Variants in PRDM9 observed in about 807,000 individuals in gnomAD.
PRDM9 encodes the protein PR/SET domain 9, also known as histone-lysine N-methyltransferase PRDM9.
A neutral mutation model predicts 55.6 loss-of-function variants in PRDM9; 47 were observed. That is an observed-to-expected ratio of 0.85 (90% CI 0.67 to 1.08). The LOEUF is 1.08. Ranked by LOEUF, PRDM9 falls within the 50% of genes least tolerant of loss-of-function variation. The pLI is 0.00. For missense variants in PRDM9, 867 were observed against 1,040.3 expected (o/e 0.83, Z 2.29); for synonymous variants, 312 against 375.7 (o/e 0.83, Z 1.96).
At chr5:23,517,859 C>G in intron 4 of PRDM9, 22 bp from the exon 5 acceptor site, 1 of 1,564,228 alleles carries the variant, frequency 6.4e-7, no homozygotes, top group South Asian at 1.1e-5. Flanking sequence ...AACCAAACCA[C>G]TGATTTCTCA....
chr5:23,520,661 C>T (rs977583474), intron 5 of PRDM9, among the ~76,000 whole-genome samples: 2 of 149,228 alleles, frequency 1.3e-5, no homozygotes, highest in Non-Finnish European at 2.9e-5. Context: ...CTCTACATTT[C>T]CCCTTCTATC....
At position 23,523,367 on chromosome 5, in the gene PRDM9, A is replaced by G. The variant is rs1184146176; in HGVS notation, c.950+9A>G. 1 of 1,608,804 alleles carries G rather than the reference A, an allele frequency of 6.2e-7. No homozygotes were observed. The highest frequency in any genetic ancestry group is 1.7e-5 in the Admixed American group (1 of 60,018). On this transcript the variant is annotated intron_variant, in intron 9 of 10. Coordinates refer to ENST00000296682, the MANE Select transcript of PRDM9 (RefSeq NM_020227.4). ...TGGGCCAACTGGATGAGGTAAGGCC[A>G]GTAGCTCTCTGAGTTGCAGAGAGAA...
intron 6 of PRDM9, 31 bp downstream of exon 6, chr5:23,521,210 C>A: frequency 6.2e-7 from 1 of 1,609,702 alleles, no homozygotes; most frequent in Non-Finnish European, 8.5e-7. Context: ...GGACTTTAGT[C>A]CCTCTATGTC....
chr5:23,519,994 A>T (rs1165928188), intron 5 of PRDM9, among the ~76,000 whole-genome samples: 1 of 151,684 alleles, frequency 6.6e-6, no homozygotes, highest in Non-Finnish European at 1.5e-5. Flanking sequence ...CAGTGAGCTG[A>T]GATCGTGCCA....
chr5:23,512,005 C>A, intron 4 of PRDM9, among the ~76,000 whole-genome samples: 1 of 150,210 alleles, frequency 6.7e-6, no homozygotes. Context: ...GTTTGCTAAA[C>A]ATTGTTAATA....
chr5:23,523,572 T>A (rs1320197167), intron 9 of PRDM9, among the ~76,000 whole-genome samples: 1 of 152,196 alleles, frequency 6.6e-6, no homozygotes, highest in Non-Finnish European at 1.5e-5. Context: ...ATATGTATGC[T>A]AGACAAAATT....
chr5:23,514,567 G>A (rs1561017913), intron 4 of PRDM9, among the ~76,000 whole-genome samples: 1 of 151,834 alleles, frequency 6.6e-6, no homozygotes, highest in Non-Finnish European at 1.5e-5. Flanking sequence ...TCCTGCCTCA[G>A]CCCCCCACGT....
chr5:23,525,794 A>G (rs1367614004), intron 10 of PRDM9, among the ~76,000 whole-genome samples: 2 of 152,140 alleles, frequency 1.3e-5, no homozygotes, highest in African/African-American at 4.8e-5. Flanking sequence ...CTAAGTCATC[A>G]AGAGTGTTAT....
At chr5:23,513,576 T>C (rs1282955101) in intron 4 of PRDM9, among the ~76,000 whole-genome samples, 1 of 151,870 alleles carries the variant, frequency 6.6e-6, no homozygotes, top group Non-Finnish European at 1.5e-5. Flanking sequence ...AAATAATTCT[T>C]CTCCTTATAA....
Position 23,527,905 on chromosome 5 carries a change from G to A in PRDM9, c.*132G>A. The A allele has an allele frequency of 8.6e-7, 1 of 1,163,262 alleles. No homozygotes were observed. The highest frequency in any genetic ancestry group is 1.3e-5 in the South Asian group (1 of 75,272). The allele number at this position is 1,163,262 out of a possible 1,614,324, so 72.1% of individuals were successfully genotyped here. On this transcript the variant is annotated 3_prime_UTR_variant, in exon 11 of 11. Transcript: ENST00000296682. ...CCCTTATATTCCCCGAGAGTATAAA[G>A]AGATCGGAAATAACTGATTAAACAA...
At position 23,523,292 on chromosome 5, in the gene PRDM9, T is replaced by C. The variant is rs1366624231; in HGVS notation, c.884T>C (p.Ile295Thr). The C allele has an allele frequency of 6.2e-7, 1 of 1,613,710 alleles. No individual in the cohort carries two copies. Among genetic ancestry groups the C allele is most frequent in the East Asian group, 2.2e-5 (1 of 44,868 alleles). ...EAANNGYSWL[I>T]TKGRNCYEYV... ...TTGCCTTGTTTTTCTGAAACTCAGA[T>C]CACCAAGGGGAGAAACTGCTATGAG... Residue 295 changes from isoleucine to threonine, a missense_variant and splice_region_variant, in exon 9 of 11, where the codon ATC (isoleucine) becomes ACC (threonine). This residue lies in a region of PRDM9 where 662 missense variants were observed against 711.9 expected (regional missense o/e 0.93). Coordinates refer to ENST00000296682, the MANE Select transcript of PRDM9 (RefSeq NM_020227.4).
rs1378562276 is a variant in PRDM9 at position 23,508,934 on chromosome 5, C to G, written c.-84-16C>G. 3 of 1,429,130 alleles carry G rather than the reference C, an allele frequency of 2.1e-6. No individual in the cohort carries two copies. In the African/African-American group the frequency reaches 4.3e-5, roughly 20 times the overall value. The allele number at this position is 1,429,130 out of a possible 1,614,324, so 88.5% of individuals were successfully genotyped here. A position where few individuals can be genotyped will look rare whatever the true frequency, so the allele number is the denominator to read the frequency against. Reference sequence around the variant, plus strand: ...TCAGGGCTGTTGCCCCCTCTCAGCACCTTCTCCTTCCACAGGAGCCTTTGG... The same window carrying G: ...TCAGGGCTGTTGCCCCCTCTCAGCAGCTTCTCCTTCCACAGGAGCCTTTGG... On this transcript the variant is annotated splice_polypyrimidine_tract_variant and intron_variant, in intron 1 of 10. Coordinates refer to ENST00000296682, the MANE Select transcript of PRDM9 (RefSeq NM_020227.4).
At chr5:23,520,194 G>A (rs1203345442) in intron 5 of PRDM9, among the ~76,000 whole-genome samples, 3 of 151,172 alleles carry the variant, frequency 2.0e-5, no homozygotes, top group Admixed American at 6.6e-5. Context: ...GTGAAACCCC[G>A]TCTCTAATAA....
chr5:23,508,913 G>A, intron 1 of PRDM9, 37 bp from the exon 2 acceptor site: 1 of 1,185,940 alleles, frequency 8.4e-7, no homozygotes, highest in South Asian at 1.3e-5. Flanking sequence ...TAGTGCTCAG[G>A]GCTGTTGCCC....
intron 9 of PRDM9, 90 bp downstream of exon 9, chr5:23,523,448 A>G (rs2126429627): frequency 2.7e-5 from 36 of 1,337,186 alleles, no homozygotes; most frequent in Non-Finnish European, 3.4e-5. Flanking sequence ...TCCCTCAATG[A>G]TTTTCACATT....
rs772000136 is a variant in PRDM9 at position 23,526,677 on chromosome 5, G to A, written c.1589G>A (p.Gly530Glu). Reference sequence around the variant, plus strand: ...GCAAAAGTCAAGTATGGAGAGTGTGGACAAGGTTTCAGTGTTAAATCAGAT... The same window carrying A: ...GCAAAAGTCAAGTATGGAGAGTGTGAACAAGGTTTCAGTGTTAAATCAGAT... ...RIAKVKYGECGQGFSVKSDVI... is the reference protein window; with the variant it reads ...RIAKVKYGECEQGFSVKSDVI... Residue 530 changes from glycine to glutamate, a missense_variant, in exon 11 of 11, where the codon GGA (glycine) becomes GAA (glutamate). Gly to Glu is a moderately conservative substitution (Grantham distance 98, BLOSUM62 -2). Transcript: ENST00000296682. 1 of 1,614,264 alleles carries A rather than the reference G, an allele frequency of 6.2e-7. No homozygotes were observed. The highest frequency in any genetic ancestry group is 1.7e-5 in the Admixed American group (1 of 60,036).
intron 4 of PRDM9, among the ~76,000 whole-genome samples, chr5:23,512,329 C>T (rs1483821322): frequency 6.6e-6 from 1 of 152,092 alleles, no homozygotes; most frequent in Non-Finnish European, 1.5e-5. Flanking sequence ...GTGTGAAGCT[C>T]ATTTCCTCTT....
At position 23,521,138 on chromosome 5, in the gene PRDM9, G is replaced by A. The variant is rs1277802791; in HGVS notation, c.467G>A (p.Gly156Glu). ...GCTCAGAAACCAGTGTCCCCTTCTG[G>A]AGAAGCAAGTACCTCTGGACAGCAC... ...EQAQKPVSPS[G>E]EASTSGQHSR... is the part of the protein sequence containing the mutation. The change falls in exon 6 of 11, where the codon GGA (glycine) becomes GAA (glutamate). Residue 156 changes from glycine (G) to glutamate (E), a missense_variant. Coordinates refer to ENST00000296682, the MANE Select transcript of PRDM9 (RefSeq NM_020227.4). 10 of 1,613,740 alleles carry A rather than the reference G, an allele frequency of 6.2e-6. No homozygotes were observed. The highest frequency in any genetic ancestry group is 1.3e-5 in the African/African-American group (1 of 74,902).
intron 4 of PRDM9, among the ~76,000 whole-genome samples, chr5:23,510,855 T>C (rs1326346415): frequency 6.6e-6 from 1 of 151,496 alleles, no homozygotes; most frequent in Non-Finnish European, 1.5e-5. Flanking sequence ...GATTTAGAAG[T>C]GACCTCCTGG....
Sources: allele counts gnomAD v4.1 joint callset (sites outside exome capture counted in the v4.1 genomes callset), GRCh38; gene constraint gnomAD v4.1.1; regional missense constraint gnomAD v4.1.1; transcripts MANE v1.5; gene names NCBI Gene and HGNC (gene_info 2026-07-23, HGNC 2026-07-21).